CSMD1: variants seen among roughly 807,000 people sequenced by gnomAD.
The protein encoded by CSMD1 is CUB and Sushi multiple domains 1, also known as CUB and sushi domain-containing protein 1.
A neutral mutation model predicts 417.5 loss-of-function variants in CSMD1; 213 were observed. The observed-to-expected ratio is 0.51, with a 90% CI of 0.46 to 0.57. CSMD1 has a LOEUF of 0.57. CSMD1 is among the 20% of genes least tolerant of loss of function. CSMD1 has a pLI of 0.00. For missense variants in CSMD1, 6,923 were observed against 4,529.7 expected (o/e 1.53, Z -15.17); for synonymous variants, 2,862 against 1,736.8 (o/e 1.65, Z -16.11).
At chr8:3,506,658 T>C (rs1242321443) in intron 10 of CSMD1, among the ~76,000 whole-genome samples, 2 of 152,298 alleles carry the variant, frequency 1.3e-5, no homozygotes, top group East Asian at 3.9e-4. Flanking sequence ...GCATATTCAG[T>C]AAGTTTCTGG....
chr8:3,566,720 A>T (rs1374528353), intron 10 of CSMD1, among the ~76,000 whole-genome samples: 1 of 152,214 alleles, frequency 6.6e-6, no homozygotes, highest in African/African-American at 2.4e-5. Context: ...AATCAAAACC[A>T]CAATAAGATA....
At chr8:3,301,178 T>G (rs1204957728) in intron 25 of CSMD1, among the ~76,000 whole-genome samples, 2 of 151,964 alleles carry the variant, frequency 1.3e-5, no homozygotes, top group Admixed American at 6.6e-5. Flanking sequence ...TTTATAGACA[T>G]AAACATAAAT....
intron 3 of CSMD1, among the ~76,000 whole-genome samples, chr8:4,114,532 A>C (rs1297279083): frequency 1.4e-5 from 2 of 145,114 alleles, no homozygotes; most frequent in East Asian, 4.1e-4. Flanking sequence ...TCAAGGAATA[A>C]CTCAAACTTT....
At chr8:3,168,631 TCACA>T (rs59927132) in intron 37 of CSMD1, among the ~76,000 whole-genome samples, 24 of 148,804 alleles carry the variant, frequency 1.6e-4, no homozygotes, top group Admixed American at 4.7e-4. Flanking sequence ...TAAGTCTTCA[TCACA>T]CACACACACA....
chr8:4,110,226 A>G (rs1431196097), intron 3 of CSMD1, among the ~76,000 whole-genome samples: 1 of 152,188 alleles, frequency 6.6e-6, no homozygotes, highest in Non-Finnish European at 1.5e-5. Context: ...GATATGAAAT[A>G]AAATAAAACA....
chr8:4,580,818 T>C (rs760115696), intron 2 of CSMD1, among the ~76,000 whole-genome samples: 1 of 152,240 alleles, frequency 6.6e-6, no homozygotes, highest in African/African-American at 2.4e-5. Flanking sequence ...TAAAAAGTTG[T>C]ATCTTGTACA....
chr8:3,129,816 C>G (rs992546432), intron 41 of CSMD1, among the ~76,000 whole-genome samples: 8 of 151,818 alleles, frequency 5.3e-5, no homozygotes, highest in African/African-American at 1.9e-4. Flanking sequence ...TGGTGAAACC[C>G]TGTCTCTACT....
chr8:3,152,003 T>A (rs1370048117), intron 39 of CSMD1, among the ~76,000 whole-genome samples: 1 of 152,148 alleles, frequency 6.6e-6, no homozygotes, highest in Admixed American at 6.5e-5. Flanking sequence ...GATGAAGAAA[T>A]TTGCCTAAAG....
intron 3 of CSMD1, among the ~76,000 whole-genome samples, chr8:4,262,756 C>G (rs1803975793): frequency 1.3e-5 from 2 of 152,118 alleles, no homozygotes; most frequent in South Asian, 2.1e-4. Context: ...TCTTTACTTC[C>G]TTGCAAACTC....
intron 2 of CSMD1, among the ~76,000 whole-genome samples, chr8:4,463,818 T>C (rs572787855): frequency 1.9e-4 from 29 of 152,248 alleles, no homozygotes; most frequent in Admixed American, 1.8e-3. Context: ...AAAATAACTG[T>C]GGTGATGAAT....
chr8:4,079,080 A>G (rs1157684316), intron 3 of CSMD1, among the ~76,000 whole-genome samples: 1 of 151,786 alleles, frequency 6.6e-6, no homozygotes, highest in Admixed American at 6.6e-5. Flanking sequence ...TATACAGCTC[A>G]TTACCAGGGT....
At chr8:4,298,930 A>G (rs1486813867) in intron 3 of CSMD1, among the ~76,000 whole-genome samples, 1 of 152,132 alleles carries the variant, frequency 6.6e-6, no homozygotes, top group Non-Finnish European at 1.5e-5. Context: ...ACATAAATAC[A>G]TAAACACACA....
intron 5 of CSMD1, among the ~76,000 whole-genome samples, chr8:3,887,118 A>G (rs1377844837): frequency 2.0e-5 from 3 of 152,162 alleles, no homozygotes; most frequent in Non-Finnish European, 4.4e-5. Flanking sequence ...TGGGACTTCT[A>G]CCAAAACTCT....
chr8:4,061,185 T>C (rs1798953917), intron 3 of CSMD1, among the ~76,000 whole-genome samples: 1 of 152,176 alleles, frequency 6.6e-6, no homozygotes. Flanking sequence ...TCAGCTGCAG[T>C]TCTAACATGA....
intron 12 of CSMD1, among the ~76,000 whole-genome samples, chr8:3,451,172 T>C (rs1487886661): frequency 6.6e-6 from 1 of 152,228 alleles, no homozygotes; most frequent in Admixed American, 6.5e-5. Flanking sequence ...GCTTGTTTTC[T>C]TCTTGTAAAT....
intron 7 of CSMD1, among the ~76,000 whole-genome samples, chr8:3,619,108 T>C (rs376239357): frequency 4.0e-5 from 6 of 149,014 alleles, no homozygotes; most frequent in South Asian, 2.1e-4. Context: ...AGGAATACAA[T>C]AGAACACATA....
chr8:4,785,788 G>A (rs553286063), intron 1 of CSMD1, among the ~76,000 whole-genome samples: 1 of 152,246 alleles, frequency 6.6e-6, no homozygotes, highest in South Asian at 2.1e-4. Flanking sequence ...AACCTTATAA[G>A]ATATAAGTGT....
At chr8:3,039,378 TCCTTCCTTCCTTCCCCCTTC>T (rs1483330918) in intron 50 of CSMD1, among the ~76,000 whole-genome samples, 1 of 147,984 alleles carries the variant, frequency 6.8e-6, no homozygotes, top group Non-Finnish European at 1.5e-5. Context: ...TTTCCTTTCT[TCCTTCCTTCCTTCCCCCTTC>T]CCTTCCTTCC....
intron 3 of CSMD1, among the ~76,000 whole-genome samples, chr8:4,349,610 T>A (rs1800970023): frequency 6.6e-6 from 1 of 152,152 alleles, no homozygotes; most frequent in Non-Finnish European, 1.5e-5. Flanking sequence ...TAGAAAGCTG[T>A]TACGTCTCCC....
Sources: gnomAD v4.1 joint callset for allele counts (sites outside exome capture counted in the v4.1 genomes callset) on GRCh38, gnomAD v4.1.1 for gene constraint, MANE v1.5 for transcripts, NCBI Gene and HGNC (gene_info 2026-07-23, HGNC 2026-07-21) for gene names.